DEAF1: variants seen among roughly 807,000 people sequenced by gnomAD.
The protein encoded by DEAF1 is DEAF1 transcription factor, also known as deformed epidermal autoregulatory factor 1 homolog.
In DEAF1, 53 loss-of-function variants were observed where a neutral mutation model predicts 58.9. The ratio of observed to expected loss-of-function variants is 0.90; its 90% CI spans 0.72 to 1.13. DEAF1 has a LOEUF of 1.13. Ranked by LOEUF, DEAF1 falls within the 50% of genes most tolerant of loss-of-function variation. The probability of loss-of-function intolerance (pLI) is 0.00; values close to 1 mark genes in which losing one functional copy is unlikely to be tolerated. For missense variants in DEAF1, 685 were observed against 791.4 expected, an observed-to-expected ratio of 0.87 and a Z score of 1.61; for synonymous variants, 385 against 340.4, an observed-to-expected ratio of 1.13 and a Z score of -1.44.
At chr11:686,579 G>A (rs1358736476) in intron 5 of DEAF1, among the ~76,000 whole-genome samples, 1 of 152,098 alleles carries the variant, frequency 6.6e-6, no homozygotes, top group South Asian at 2.1e-4. Context: ...TATTTGACAC[G>A]CCCCCTTTCT....
At chr11:680,885 G>A (rs1860329799) in intron 7 of DEAF1, 78 bp downstream of exon 7, 1 of 1,589,630 alleles carries the variant, frequency 6.3e-7, no homozygotes, top group Non-Finnish European at 8.6e-7. Flanking sequence ...TCCCGCAGTG[G>A]CCGTGGGAGT....
chr11:670,590 C>G (rs910932032), intron 10 of DEAF1, among the ~76,000 whole-genome samples: 13 of 151,566 alleles, frequency 8.6e-5, no homozygotes, highest in African/African-American at 3.1e-4. Flanking sequence ...TTGCACATAC[C>G]TGTAATCCCA....
At position 654,940 on chromosome 11, in the gene DEAF1, G is replaced by A. The variant is rs143747268; in HGVS notation, c.1504-889C>T. Among the ~76,000 whole-genome samples the A allele has an allele frequency of 6.1e-4, 93 of 151,432 alleles. 4 individuals are homozygous for A. Among genetic ancestry groups the A allele is most frequent in the African/African-American group, 2.3e-3 (92 of 40,856 alleles). Reference sequence around the variant, plus strand: ...AATCCCAGCACTTTAGGAGGCTGAGGTGGGCGGATCACGAAGTTAGGAGAT... The same window carrying A: ...AATCCCAGCACTTTAGGAGGCTGAGATGGGCGGATCACGAAGTTAGGAGAT... On this transcript the variant is annotated intron_variant, in intron 10 of 11. Transcript: ENST00000382409.
At chr11:654,230 G>GT (rs1858940213) in intron 10 of DEAF1, among the ~76,000 whole-genome samples, 179 bp from the exon 11 acceptor site, 1 of 145,592 alleles carries the variant, frequency 6.9e-6, no homozygotes, top group African/African-American at 2.6e-5. Flanking sequence ...GTGCCGTGGT[G>GT]CGATCTCAGC....
chr11:658,592 G>T (rs555122014), intron 10 of DEAF1, among the ~76,000 whole-genome samples: 6 of 152,366 alleles, frequency 3.9e-5, no homozygotes, highest in African/African-American at 1.4e-4. Context: ...TGGCACAAAG[G>T]GCAGAAGTGC....
In DEAF1 at chr11:644,540, C is replaced by T. The variant is rs540841483; in HGVS notation, c.*10G>A. The T allele has an allele frequency of 1.4e-5, 23 of 1,609,992 alleles. No homozygotes were observed. Among genetic ancestry groups the T allele is most frequent in the African/African-American group, 1.3e-4 (10 of 74,968 alleles). The stretch of plus-strand genomic sequence containing the variant: ...GAGGGGCCCCAGCTCCCAGGGCGGC[C>T]GATGGAGCCTCACACGGTCACCTTC... On this transcript the variant is annotated 3_prime_UTR_variant, in exon 12 of 12. Coordinates refer to ENST00000382409, the MANE Select transcript of DEAF1 (RefSeq NM_021008.4). This position sits in a 1 kb window ranked among gnomAD's most constrained non-coding sequence, Gnocchi z 4.3.
At chr11:674,866 C>A in intron 9 of DEAF1, 83 bp from the exon 10 acceptor site, 4 of 1,583,656 alleles carry the variant, frequency 2.5e-6, no homozygotes, top group Non-Finnish European at 3.4e-6. Context: ...AATTCTCAGC[C>A]GGGCGCGGTG....
At chr11:669,062 T>G (rs548217657) in intron 10 of DEAF1, among the ~76,000 whole-genome samples, 2 of 151,354 alleles carry the variant, frequency 1.3e-5, no homozygotes, top group African/African-American at 2.4e-5. Flanking sequence ...CCTGACCTTG[T>G]GATCTGCCCG....
intron 6 of DEAF1, among the ~76,000 whole-genome samples, chr11:681,457 C>G (rs1327741177): frequency 2.0e-5 from 3 of 148,626 alleles, no homozygotes; most frequent in Non-Finnish European, 4.4e-5. Flanking sequence ...GTTGCCCAGG[C>G]TGGAGTGCAG....
chr11:671,008 A>C (rs1200734147), intron 10 of DEAF1, among the ~76,000 whole-genome samples: 2 of 143,676 alleles, frequency 1.4e-5, no homozygotes, highest in African/African-American at 2.6e-5. Context: ...GGCTCACTGC[A>C]ATCTCCACCT....
At chr11:679,413 A>G (rs962503826) in intron 8 of DEAF1, among the ~76,000 whole-genome samples, 3 of 152,130 alleles carry the variant, frequency 2.0e-5, no homozygotes, top group African/African-American at 7.2e-5. Flanking sequence ...CTGTTGCACA[A>G]CTGCAGTCAA....
At chr11:657,695 T>C in intron 10 of DEAF1, among the ~76,000 whole-genome samples, 1 of 152,066 alleles carries the variant, frequency 6.6e-6, no homozygotes, top group East Asian at 1.9e-4. Flanking sequence ...GACGCCACAG[T>C]GGGGTGAGAC....
upstream of DEAF1, chr11:699,321 C>T (rs1234119562): frequency 4.8e-6 from 1 of 207,834 alleles, no homozygotes; most frequent in Non-Finnish European, 9.8e-6. Context: ...GAAGCTCTGG[C>T]ATCAGGCGGG....
intron 10 of DEAF1, 40 bp downstream of exon 10, chr11:674,496 C>G (rs1445196090): frequency 1.2e-6 from 2 of 1,612,998 alleles, no homozygotes; most frequent in South Asian, 2.2e-5. Flanking sequence ...CCTGGGGTTA[C>G]TCGGCACAGG....
intron 11 of DEAF1, among the ~76,000 whole-genome samples, chr11:649,534 A>C (rs1858665778): frequency 6.6e-6 from 1 of 152,062 alleles, no homozygotes; most frequent in Non-Finnish European, 1.5e-5. Context: ...AGCCTGACCA[A>C]CATGGTGAAA....
upstream of DEAF1, chr11:697,891 G>A (rs749840695): frequency 6.6e-6 from 1 of 152,202 alleles, no homozygotes; most frequent in Non-Finnish European, 1.5e-5. Context: ...TCTTGCCTGT[G>A]TGAGATTCCA....
upstream of DEAF1, among the ~76,000 whole-genome samples, chr11:696,076 A>G (rs1445269833): frequency 3.3e-5 from 5 of 151,680 alleles, no homozygotes; most frequent in Non-Finnish European, 5.9e-5. Context: ...GGCCCCGGGC[A>G]GGGTGGGTGC....
intron 5 of DEAF1, among the ~76,000 whole-genome samples, chr11:685,503 T>C (rs1860554392): frequency 6.6e-6 from 1 of 151,946 alleles, no homozygotes; most frequent in Non-Finnish European, 1.5e-5. Flanking sequence ...GAGACCAGCC[T>C]GGCCAACATG....
intron 7 of DEAF1, 134 bp downstream of exon 7, chr11:680,829 G>A: frequency 7.7e-7 from 1 of 1,302,720 alleles, no homozygotes; most frequent in Non-Finnish European, 1.1e-6. Context: ...GGAGTGTGAT[G>A]GCGTTGGAAT....
Sources: allele counts gnomAD v4.1 joint callset (sites outside exome capture counted in the v4.1 genomes callset), GRCh38; gene constraint gnomAD v4.1.1; non-coding constraint Gnocchi (gnomAD v3.1); transcripts MANE v1.5; gene names NCBI Gene and HGNC (gene_info 2026-07-23, HGNC 2026-07-21).